Variants in MCPH1 observed in about 807,000 individuals in gnomAD.
The protein encoded by MCPH1 is microcephalin 1.
In MCPH1, 104 loss-of-function variants were observed where a neutral mutation model predicts 84.5. The ratio of observed to expected loss-of-function variants is 1.23; its 90% CI spans 1.05 to 1.45. The LOEUF (loss-of-function observed/expected upper bound fraction) is 1.45. Ranked by LOEUF, MCPH1 falls within the 40% of genes most tolerant of loss-of-function variation. The pLI, the probability that MCPH1 is intolerant of heterozygous loss-of-function variation, is 0.00. For missense variants in MCPH1, 1,498 were observed against 1,005.7 expected, an observed-to-expected ratio of 1.49 and a Z score of -6.62; for synonymous variants, 514 against 366.8, an observed-to-expected ratio of 1.40 and a Z score of -4.58.
At chr8:6,446,162 C>A in intron 8 of MCPH1, 1 of 887,424 alleles carries the variant, frequency 1.1e-6, no homozygotes, top group Non-Finnish European at 1.4e-6. Context: ...AGGTTTACTC[C>A]TATTCATAAT....
intron 12 of MCPH1, among the ~76,000 whole-genome samples, chr8:6,617,573 C>T (rs1202314334): frequency 1.3e-5 from 2 of 151,788 alleles, no homozygotes; most frequent in Non-Finnish European, 2.9e-5. Context: ...TACGTCTGTC[C>T]CCTCCACATG....
At chr8:6,566,206 A>G (rs1826137537) in intron 12 of MCPH1, among the ~76,000 whole-genome samples, 1 of 152,252 alleles carries the variant, frequency 6.6e-6, no homozygotes, top group African/African-American at 2.4e-5. Context: ...AAAAGTTTAA[A>G]AACCATTCTT....
chr8:6,445,441 C>T lies in MCPH1; in HGVS notation c.1719C>T (p.Ser573=), dbSNP rs35551093. The T allele has an allele frequency of 2.5e-3, 4,014 of 1,614,218 alleles. 77 individuals are homozygous for T. In the African/African-American group the frequency reaches 0.044, roughly 18 times the overall value. Residue 573 remains serine, a synonymous_variant, in exon 8 of 14, where the codon TCC becomes TCT. Coordinates refer to ENST00000344683, the MANE Select transcript of MCPH1 (RefSeq NM_024596.5). ...NKGTTSKISN[S]SEGEAQSEHE... ...GTACCACTTCCAAAATATCAAACTC[C>T]TCTGAAGGCGAAGCCCAGAGTGAAC...
At chr8:6,426,724 C>A (rs1254017318) in intron 3 of MCPH1, among the ~76,000 whole-genome samples, 2 of 152,186 alleles carry the variant, frequency 1.3e-5, no homozygotes, top group Non-Finnish European at 1.5e-5. Context: ...TGTATATTCC[C>A]ACCAGCAGTG....
intron 9 of MCPH1, among the ~76,000 whole-genome samples, chr8:6,468,026 A>T (rs917630727): frequency 2.0e-5 from 3 of 152,130 alleles, no homozygotes; most frequent in African/African-American, 7.2e-5. Flanking sequence ...TGCTTTGGTG[A>T]GTTTGGGGTT....
intron 4 of MCPH1, among the ~76,000 whole-genome samples, chr8:6,432,789 C>G (rs947397134): frequency 7.9e-5 from 12 of 152,260 alleles, no homozygotes; most frequent in African/African-American, 2.9e-4. Context: ...TCAGTCTTAC[C>G]TGATTATAGG....
intron 9 of MCPH1, among the ~76,000 whole-genome samples, chr8:6,467,652 G>A (rs778151420): frequency 5.3e-5 from 8 of 152,092 alleles, no homozygotes; most frequent in Non-Finnish European, 7.3e-5. Flanking sequence ...CTGGAGTGCC[G>A]TGGCGAGATC....
chr8:6,484,192 A>G (rs942064315), intron 11 of MCPH1, among the ~76,000 whole-genome samples: 82 of 152,242 alleles, frequency 5.4e-4, no homozygotes, highest in African/African-American at 1.9e-3. Context: ...TATATAAAGA[A>G]CTCTTAATAC....
At chr8:6,580,897 C>T (rs142603127) in intron 12 of MCPH1, among the ~76,000 whole-genome samples, 1 of 152,322 alleles carries the variant, frequency 6.6e-6, no homozygotes, top group Non-Finnish European at 1.5e-5. Context: ...ATGGTCAGCC[C>T]TCCACATCCG....
chr8:6,466,937 G>A (rs1462081090), intron 9 of MCPH1, among the ~76,000 whole-genome samples: 2 of 152,078 alleles, frequency 1.3e-5, no homozygotes, highest in East Asian at 1.9e-4. Flanking sequence ...TTTTAAAAAA[G>A]TTATTGCCTT....
chr8:6,410,102 T>C lies in MCPH1; in HGVS notation c.114+732T>C, dbSNP rs147648186. 3.5e-3 allele frequency among the ~76,000 whole-genome samples: 531 copies of C among 152,110 alleles called. 1 individual carries two copies. Among genetic ancestry groups the C allele is most frequent in the African/African-American group, 0.012 (508 of 41,524 alleles). On this transcript the variant is annotated intron_variant, in intron 2 of 13. Transcript: ENST00000344683. ...GTCCTGCCTCAGCCTTCCAAGTATCTGGGACTACAGGCACATGCCACCATG... is the reference window on the plus strand; with the variant it reads ...GTCCTGCCTCAGCCTTCCAAGTATCCGGGACTACAGGCACATGCCACCATG...
At chr8:6,569,166 C>T (rs1279682072) in intron 12 of MCPH1, among the ~76,000 whole-genome samples, 2 of 152,098 alleles carry the variant, frequency 1.3e-5, no homozygotes, top group East Asian at 1.9e-4. Context: ...ATTACTTCCC[C>T]CCACAAATCG....
chr8:6,472,245 G>A (rs992063763), intron 9 of MCPH1, among the ~76,000 whole-genome samples: 4 of 152,058 alleles, frequency 2.6e-5, no homozygotes, highest in Non-Finnish European at 5.9e-5. Flanking sequence ...CACATCAAGA[G>A]GGTTATTTTA....
intron 12 of MCPH1, among the ~76,000 whole-genome samples, chr8:6,528,667 C>T (rs575957950): frequency 6.6e-6 from 1 of 152,366 alleles, no homozygotes; most frequent in Admixed American, 6.5e-5. Context: ...GGTTGCCCTT[C>T]AGCAGGAAGA....
At chr8:6,592,641 T>TTTTTTTTTTTTTTTTTG (rs1238168977) in intron 12 of MCPH1, among the ~76,000 whole-genome samples, 8 of 107,428 alleles carry the variant, frequency 7.4e-5, no homozygotes, top group African/African-American at 2.0e-4. Context: ...TTTTTTTTTT[T>TTTTTTTTTTTTTTTTTG]TTGTTGCTGT....
intron 11 of MCPH1, among the ~76,000 whole-genome samples, chr8:6,484,183 A>G (rs574629169): frequency 6.6e-6 from 1 of 152,380 alleles, no homozygotes; most frequent in Admixed American, 6.5e-5. Context: ...TGTCTGGAAT[A>G]TATAAAGAAC....
chr8:6,590,987 C>T (rs994261072), intron 12 of MCPH1, among the ~76,000 whole-genome samples: 3 of 152,208 alleles, frequency 2.0e-5, no homozygotes, highest in African/African-American at 4.8e-5. Context: ...CTGCAACCTC[C>T]GCTTCCTGGG....
intron 3 of MCPH1, among the ~76,000 whole-genome samples, chr8:6,426,603 C>T (rs1360560614): frequency 6.6e-6 from 1 of 152,150 alleles, no homozygotes; most frequent in South Asian, 2.1e-4. Context: ...GGCTAGTTTG[C>T]CATTTTAGGT....
chr8:6,618,492 T>C (rs1027640156), intron 12 of MCPH1: 3 of 152,230 alleles, frequency 2.0e-5, no homozygotes, highest in African/African-American at 7.2e-5. Flanking sequence ...TATAGTGAGA[T>C]AGAGATTAGA....
Sources: allele counts gnomAD v4.1 joint callset (sites outside exome capture counted in the v4.1 genomes callset), GRCh38; gene constraint gnomAD v4.1.1; transcripts MANE v1.5; gene names NCBI Gene and HGNC (gene_info 2026-07-23, HGNC 2026-07-21).